Variants in TRIM21 observed in about 807,000 individuals in gnomAD.
TRIM21 encodes E3 ubiquitin-protein ligase TRIM21.
Under a neutral mutation model 36.1 loss-of-function variants are expected in TRIM21, and 35 were observed. The observed-to-expected ratio is 0.97, with a 90% CI of 0.74 to 1.28. The LOEUF is 1.28. TRIM21 is among the 50% of genes most tolerant of loss of function. The pLI is 0.00. For missense variants in TRIM21, 635 were observed against 570.7 expected, an observed-to-expected ratio of 1.11 and a Z score of -1.15; for synonymous variants, 256 against 211.5, an observed-to-expected ratio of 1.21 and a Z score of -1.83.
In TRIM21 at chr11:4,389,737, C is replaced by T. The variant is rs1488653195; in HGVS notation, c.421G>A (p.Val141Met). 1 of 1,613,972 alleles carries T rather than the reference C, an allele frequency of 6.2e-7. No homozygotes were observed. Among genetic ancestry groups the T allele is most frequent in the South Asian group, 1.1e-5 (1 of 91,088 alleles). The change falls in exon 3 of 7, where the codon GTG (valine) becomes ATG (methionine). Residue 141 changes from valine to methionine, a missense_variant. By Grantham distance (21) the Val-to-Met change is conservative. Transcript: ENST00000254436. Reference protein sequence around the residue: ...AAQEYQEKLQVALGELRRKQE... With the variant: ...AAQEYQEKLQMALGELRRKQE... ...TTTCTTCTCAGTTCCCCTAATGCCA[C>T]CTGGAGCTTCTCCTGCAGAGAAAGA...
intron 3 of TRIM21, 145 bp from the exon 4 acceptor site, chr11:4,388,675 GCGCACACA>G: frequency 1.3e-6 from 1 of 751,518 alleles, no homozygotes; most frequent in Non-Finnish European, 2.2e-6. Context: ...ACGCACACGC[GCGCACACA>G]CACACACACA....
Position 4,385,395 on chromosome 11 carries a change from C to T in TRIM21, c.1318G>A (p.Gly440Arg), listed in dbSNP as rs527377315. ...GGACTGAAGAAGGGCCGCAGAGGTC[C>T]TGTAAAGGCACATTCAGAGAAGGAG... is the stretch of plus-strand genomic sequence containing the variant. ...IYSFSECAFT[G>R]PLRPFFSPGF... The change falls in exon 7 of 7, where the codon GGA becomes AGA. Residue 440 changes from glycine to arginine, a missense_variant. Transcript: ENST00000254436. The T allele has an allele frequency of 1.1e-5, 17 of 1,613,820 alleles. No individual in the cohort carries two copies. Among genetic ancestry groups the T allele is most frequent in the Non-Finnish European group, 1.4e-5 (16 of 1,179,856 alleles).
At chr11:4,387,299 C>T (rs2094957333) in intron 4 of TRIM21, among the ~76,000 whole-genome samples, 1 of 150,668 alleles carries the variant, frequency 6.6e-6, no homozygotes, top group Non-Finnish European at 1.5e-5. Context: ...GCAGAGAGGG[C>T]ACATAGCCCA....
At position 4,386,109 on chromosome 11, in the gene TRIM21, A is replaced by T. The variant is rs144810409; in HGVS notation, c.859+48T>A. The T allele has an allele frequency of 7.8e-4, 1,226 of 1,573,736 alleles. 7 individuals are homozygous for T. In the African/African-American group the frequency reaches 0.014, roughly 18 times the overall value. On this transcript the variant is annotated intron_variant, in intron 6 of 6. Transcript: ENST00000254436. ...GCCATCCAGGCTCCCTGACCCTGGG[A>T]TCTACTCTGCACCCCATTATCCCCC...
chr11:4,385,712 G>T lies in TRIM21; in HGVS notation c.1001C>A (p.Ala334Asp), dbSNP rs1423870746. 6 of 1,613,162 alleles carry T rather than the reference G, an allele frequency of 3.7e-6. No individual in the cohort carries two copies. In the East Asian group the frequency reaches 1.3e-4, roughly 36 times the overall value. The stretch of plus-strand genomic sequence containing the variant: ...ATGTTTTCCAGAGTGAAAGTGCTGG[G>T]CACCCAGGACCATAGGATAACTATC... ...RFDSYPMVLGAQHFHSGKHYW... is the reference protein window; with the variant it reads ...RFDSYPMVLGDQHFHSGKHYW... Residue 334 changes from alanine to aspartate, a missense_variant, in exon 7 of 7, where the codon GCC becomes GAC. Coordinates refer to ENST00000254436, the MANE Select transcript of TRIM21 (RefSeq NM_003141.4).
At position 4,388,455 on chromosome 11, in the gene TRIM21, GTTC is replaced by G. The variant is rs1299357362; in HGVS notation, c.577_579del (p.Glu193del). ...TTCTCCAGCTCCTGCAGCTGCCTCT[GTTC>G]TTCTTCAACCAGGAAGTTTTTTTGC... is the stretch of plus-strand genomic sequence containing the variant. On this transcript the variant is annotated inframe_deletion, in exon 4 of 7. Transcript: ENST00000254436. The G allele has an allele frequency of 6.2e-6, 10 of 1,613,530 alleles. No homozygotes were observed. The highest frequency in any genetic ancestry group is 4.0e-5 in the African/African-American group (3 of 74,898).
chr11:4,388,565 A>C (rs1263344736), intron 3 of TRIM21, 35 bp from the exon 4 acceptor site: 2 of 1,592,424 alleles, frequency 1.3e-6, no homozygotes, highest in Non-Finnish European at 1.7e-6. Context: ...GGTGGTTTTT[A>C]TGAAAATCTC....
Position 4,390,300 on chromosome 11 carries a change from T to C in TRIM21, c.110A>G (p.Gln37Arg), listed in dbSNP as rs1327622957. The C allele has an allele frequency of 1.4e-5, 22 of 1,613,978 alleles. No individual in the cohort carries two copies. The highest frequency in any genetic ancestry group is 1.9e-5 in the Non-Finnish European group (22 of 1,179,888). Residue 37 changes from glutamine to arginine, a missense_variant, in exon 2 of 7, where the codon CAG becomes CGG. Coordinates refer to ENST00000254436, the MANE Select transcript of TRIM21 (RefSeq NM_003141.4). The part of the protein sequence containing the change: ...VSIECGHSFC[Q>R]ECISQVGKGG... Reference sequence around the variant, plus strand: ...TTTCCCAACCTGAGAGATGCATTCCTGGCAGAAGCTGTGGCCACACTCGAT... The same window carrying C: ...TTTCCCAACCTGAGAGATGCATTCCCGGCAGAAGCTGTGGCCACACTCGAT...
Position 4,385,291 on chromosome 11 carries a change from G to T in TRIM21, c.1422C>A (p.Asp474Glu), listed in dbSNP as rs752772216. The change falls in exon 7 of 7, where the codon GAC (aspartate) becomes GAA (glutamate). Residue 474 changes from aspartate (D) to glutamate (E), a missense_variant. By Grantham distance (45) the Asp-to-Glu change is conservative. Transcript: ENST00000254436. ...PLNIGSQGST[D>E]Y Reference sequence around the variant, plus strand: ...CAGTGTCCAGAGAAAGCCATCAATAGTCAGTGGATCCTTGTGATCCAATAT... The same window carrying T: ...CAGTGTCCAGAGAAAGCCATCAATATTCAGTGGATCCTTGTGATCCAATAT... 1 of 1,610,324 alleles carries T rather than the reference G, an allele frequency of 6.2e-7. No homozygotes were observed. Among genetic ancestry groups the T allele is most frequent in the South Asian group, 1.1e-5 (1 of 90,708 alleles).
intron 4 of TRIM21, among the ~76,000 whole-genome samples, chr11:4,387,982 G>T (rs117196834): frequency 0.027 from 4,144 of 152,274 alleles, 85 homozygotes; most frequent in Middle Eastern, 0.054. Context: ...ACAGGTGTGG[G>T]AAAAGAGCTG....
chr11:4,387,032 A>G, intron 4 of TRIM21, 42 bp from the exon 5 acceptor site: 1 of 1,557,984 alleles, frequency 6.4e-7, no homozygotes. Context: ...GGATTGCTGG[A>G]TCGCCACTGA....
At chr11:4,388,799 A>G (rs2094959484) in intron 3 of TRIM21, among the ~76,000 whole-genome samples, 1 of 152,006 alleles carries the variant, frequency 6.6e-6, no homozygotes, top group African/African-American at 2.4e-5. Flanking sequence ...ACACGAATAT[A>G]TGGCATTGGG....
At chr11:4,386,889 C>T in intron 5 of TRIM21, 79 bp downstream of exon 5, 1 of 1,455,208 alleles carries the variant, frequency 6.9e-7, no homozygotes, top group African/African-American at 1.4e-5. Context: ...AGTGCATGTA[C>T]TTCTAATTCA....
At chr11:4,388,155 G>T in intron 4 of TRIM21, 145 bp downstream of exon 4, 1 of 711,290 alleles carries the variant, frequency 1.4e-6, no homozygotes, top group Non-Finnish European at 2.3e-6. Flanking sequence ...CGTCTTGAAC[G>T]CGAACCTTTC....
In TRIM21 at chr11:4,385,244, G is replaced by A. The variant is rs780814363; in HGVS notation, c.*41C>T. Reference sequence around the variant, plus strand: ...AAGAGGCAGGGTTTGTGGCTGAGAAGCGGTGCCAATGGGGAGAGTGGCAGT... The same window carrying A: ...AAGAGGCAGGGTTTGTGGCTGAGAAACGGTGCCAATGGGGAGAGTGGCAGT... On this transcript the variant is annotated 3_prime_UTR_variant, in exon 7 of 7. Transcript: ENST00000254436. 1.3e-6 allele frequency: 2 copies of A among 1,548,820 alleles called. No homozygotes were observed. Among genetic ancestry groups the A allele is most frequent in the African/African-American group, 2.7e-5 (2 of 73,396 alleles).
In TRIM21 at chr11:4,386,224, A is replaced by C; in HGVS notation, c.792T>G (p.Ile264Met). 6.2e-7 allele frequency: 1 copy of C among 1,613,892 alleles called. No homozygotes were observed. The highest frequency in any genetic ancestry group is 1.3e-5 in the African/African-American group (1 of 75,026). ...SESWNLKDLD[I>M]TSPELRSVCH... The stretch of plus-strand genomic sequence containing the variant: ...ACACACTCCTGAGTTCTGGAGAGGT[A>C]ATATCCAGGTCCTTCAGGTTCCAGG... The change falls in exon 6 of 7, where the codon ATT (isoleucine) becomes ATG (methionine). Residue 264 changes from isoleucine (I) to methionine (M), a missense_variant. Coordinates refer to ENST00000254436, the MANE Select transcript of TRIM21 (RefSeq NM_003141.4).
Position 4,385,421 on chromosome 11 carries a change from T to G in TRIM21, c.1292A>C (p.Tyr431Ser). The change falls in exon 7 of 7, where the codon TAC becomes TCC. Residue 431 changes from tyrosine (Y) to serine (S), a missense_variant. Transcript: ENST00000254436. ...TGTAAAGGCACATTCAGAGAAGGAG[T>G]AGATGAGGGAGCCATGGTCAGTGAT... ...YNITDHGSLI[Y>S]SFSECAFTGP... 6.2e-7 allele frequency: 1 copy of G among 1,613,204 alleles called. No individual in the cohort carries two copies. Among genetic ancestry groups the G allele is most frequent in the Non-Finnish European group, 8.5e-7 (1 of 1,179,680 alleles).
At chr11:4,388,967 G>C (rs1476089812) in intron 3 of TRIM21, among the ~76,000 whole-genome samples, 1 of 152,112 alleles carries the variant, frequency 6.6e-6, no homozygotes, top group Non-Finnish European at 1.5e-5. Context: ...CTGGGAAAGG[G>C]GGCTTGGGGA....
chr11:4,387,913 A>G (rs1406559923), intron 4 of TRIM21, among the ~76,000 whole-genome samples: 2 of 152,200 alleles, frequency 1.3e-5, no homozygotes, highest in East Asian at 3.9e-4. Context: ...ACCCAATACA[A>G]TTAGGTTTTC....
Sources: allele counts gnomAD v4.1 joint callset (sites outside exome capture counted in the v4.1 genomes callset), GRCh38; gene constraint gnomAD v4.1.1; transcripts MANE v1.5; gene names NCBI Gene and HGNC (gene_info 2026-07-23, HGNC 2026-07-21).